The following HEPACAM variants were observed in gnomAD, a reference collection of about 807,000 sequenced individuals.
The protein encoded by HEPACAM is hepatocyte cell adhesion molecule.
A neutral mutation model predicts 38.3 loss-of-function variants in HEPACAM; 18 were observed. The ratio of observed to expected loss-of-function variants is 0.47; its 90% CI spans 0.33 to 0.70. The LOEUF (loss-of-function observed/expected upper bound fraction) is 0.70, where lower values mean the gene tolerates loss of function less well. HEPACAM is among the 30% of genes least tolerant of loss of function. HEPACAM has a pLI of 0.03. For missense variants in HEPACAM, 466 were observed against 563.0 expected (o/e 0.83, Z 1.74); for synonymous variants, 216 against 243.1 (o/e 0.89, Z 1.04).
At chr11:124,927,748 G>A (rs1331565922) in intron 1 of HEPACAM, among the ~76,000 whole-genome samples, 2 of 151,928 alleles carry the variant, frequency 1.3e-5, no homozygotes, top group African/African-American at 4.8e-5. Flanking sequence ...GAAACAGGCC[G>A]GGCATGGTGG....
chr11:124,930,717 T>C (rs1003718355), intron 1 of HEPACAM, among the ~76,000 whole-genome samples: 13 of 152,194 alleles, frequency 8.5e-5, no homozygotes, highest in Admixed American at 1.3e-4. Context: ...GACTTAAATA[T>C]GATTGCTCAA....
chr11:124,920,709 A>AAAATT lies in HEPACAM; in HGVS notation c.*428_*429insAATTT. Reference sequence around the variant, plus strand: ...AAAAAAAAAAAAAAAAAAAAAAAAAAGTGCCCCAGCACTCAGGCATTTGTT... The same window carrying AAAATT: ...AAAAAAAAAAAAAAAAAAAAAAAAAAAAATTGTGCCCCAGCACTCAGGCATTTGTT... On this transcript the variant is annotated 3_prime_UTR_variant, in exon 7 of 7. Transcript: ENST00000298251. 2.0e-6 allele frequency: 2 copies of AAAATT among 1,004,118 alleles called. No individual in the cohort carries two copies. Among genetic ancestry groups the AAAATT allele is most frequent in the African/African-American group, 2.0e-5 (1 of 50,464 alleles). 62.2% of individuals were successfully genotyped at this position (1,004,118 alleles called of 1,614,324 possible).
At position 124,928,159 on chromosome 11, in the gene HEPACAM, C is replaced by T. The variant is rs553102888; in HGVS notation, c.86-3090G>A. Reference sequence around the variant, plus strand: ...GTGGTGGGGATGAGTCCTATCCCCCCTCAATAACCCAAGGAGCAACTGGGA... The same window carrying T: ...GTGGTGGGGATGAGTCCTATCCCCCTTCAATAACCCAAGGAGCAACTGGGA... On this transcript the variant is annotated intron_variant, in intron 1 of 6. Transcript: ENST00000298251. Among the ~76,000 whole-genome samples, 11 of 152,316 alleles carry T rather than the reference C, an allele frequency of 7.2e-5. No individual in the cohort carries two copies. The East Asian group carries it at 1.9e-3, about 27-fold the overall frequency.
At chr11:124,922,333 G>C in intron 6 of HEPACAM, 55 bp downstream of exon 6, 2 of 1,471,836 alleles carry the variant, frequency 1.4e-6, no homozygotes, top group Non-Finnish European at 1.9e-6. Context: ...CTAGCATCAG[G>C]CATGTGGGAG....
At position 124,922,473 on chromosome 11, in the gene HEPACAM, G is replaced by A. The variant is rs778302622; in HGVS notation, c.878-15C>T. 1 of 1,614,012 alleles carries A rather than the reference G, an allele frequency of 6.2e-7. No individual in the cohort carries two copies. Among genetic ancestry groups the A allele is most frequent in the East Asian group, 2.2e-5 (1 of 44,880 alleles). On this transcript the variant is annotated splice_polypyrimidine_tract_variant and intron_variant, in intron 5 of 6. Coordinates refer to ENST00000298251, the MANE Select transcript of HEPACAM (RefSeq NM_152722.5). ...GAGGGTGTCTGCTGCACAGGGGAGA[G>A]AAGCGGGTGGCTGGCCCAGGTACAG...
At chr11:124,928,398 G>A (rs1947244173) in intron 1 of HEPACAM, among the ~76,000 whole-genome samples, 1 of 152,166 alleles carries the variant, frequency 6.6e-6, no homozygotes, top group South Asian at 2.1e-4. Flanking sequence ...TTTATTAAAG[G>A]CCACTGGGGT....
Position 124,924,833 on chromosome 11 carries a change from G to A in HEPACAM, c.322C>T (p.Leu108Phe). ...TCGGCCAGCTGCAGGTCGCTGAGAA[G>A]CAGGGAGCCATTTTCAAAGAGTCGG... ...RIRLFENGSLLLSDLQLADEG... is the reference protein window; with the variant it reads ...RIRLFENGSLFLSDLQLADEG... The change falls in exon 2 of 7, where the codon CTT becomes TTT. Residue 108 changes from leucine (L) to phenylalanine (F), a missense_variant. Physicochemically the swap from Leu to Phe is conservative, Grantham distance 22 (BLOSUM62 0). Transcript: ENST00000298251. This position sits in a 1 kb window ranked among gnomAD's most constrained non-coding sequence, Gnocchi z 4.4. The A allele has an allele frequency of 6.2e-7, 1 of 1,614,162 alleles. No homozygotes were observed. The highest frequency in any genetic ancestry group is 8.5e-7 in the Non-Finnish European group (1 of 1,180,022).
At chr11:124,931,775 T>A (rs950577311) in intron 1 of HEPACAM, among the ~76,000 whole-genome samples, 1 of 152,252 alleles carries the variant, frequency 6.6e-6, no homozygotes, top group Non-Finnish European at 1.5e-5. Flanking sequence ...TATAATAGGA[T>A]GTATAACAGT....
chr11:124,925,210 G>C (rs983380140), intron 1 of HEPACAM, 141 bp from the exon 2 acceptor site: 6 of 642,368 alleles, frequency 9.3e-6, no homozygotes, highest in Non-Finnish European at 1.6e-5. Context: ...TCTTAAGCCT[G>C]GGTGCTATCT....
At chr11:124,935,095 C>T (rs1377910989) in intron 1 of HEPACAM, among the ~76,000 whole-genome samples, 1 of 152,144 alleles carries the variant, frequency 6.6e-6, no homozygotes, top group African/African-American at 2.4e-5. Context: ...ATTCCTTCTA[C>T]CAGAAAACCT....
In HEPACAM at chr11:124,920,078, G is replaced by T; in HGVS notation, c.*1060C>A. ...TGAGCATGTGGGAGCAGGGCAGATGGGTGGCAGGAGGCCAGGGGTTGGATC... is the reference window on the plus strand; with the variant it reads ...TGAGCATGTGGGAGCAGGGCAGATGTGTGGCAGGAGGCCAGGGGTTGGATC... On this transcript the variant is annotated 3_prime_UTR_variant, in exon 7 of 7. Transcript: ENST00000298251. 4 of 1,541,628 alleles carry T rather than the reference G, an allele frequency of 2.6e-6. No homozygotes were observed. In the South Asian group the frequency reaches 4.9e-5, roughly 19 times the overall value.
At position 124,919,961 on chromosome 11, in the gene HEPACAM, C is replaced by T. The variant is rs1947102650; in HGVS notation, c.*1177G>A. ...CTATGAACTGTTCAATAGGCGGTGG[C>T]ATGGGCATGTCCTGGCTACACAGCG... is the stretch of plus-strand genomic sequence containing the variant. On this transcript the variant is annotated 3_prime_UTR_variant, in exon 7 of 7. Coordinates refer to ENST00000298251, the MANE Select transcript of HEPACAM (RefSeq NM_152722.5). 5 of 1,613,692 alleles carry T rather than the reference C, an allele frequency of 3.1e-6. No homozygotes were observed. Among genetic ancestry groups the T allele is most frequent in the Non-Finnish European group, 4.2e-6 (5 of 1,180,030 alleles).
chr11:124,920,167 T>C lies in HEPACAM; in HGVS notation c.*971A>G, dbSNP rs1037383882. ...CTCCCCCCACCATTTCTCTGGAGAT[T>C]AGGACTTATTCTCACAGCTGGAGGA... On this transcript the variant is annotated 3_prime_UTR_variant, in exon 7 of 7. Coordinates refer to ENST00000298251, the MANE Select transcript of HEPACAM (RefSeq NM_152722.5). 2.1e-6 allele frequency: 2 copies of C among 961,974 alleles called. No individual in the cohort carries two copies. The highest frequency in any genetic ancestry group is 3.1e-6 in the Non-Finnish European group (2 of 643,300). 59.6% of individuals were successfully genotyped at this position (961,974 alleles called of 1,614,324 possible). A position where few individuals can be genotyped will look rare whatever the true frequency, so the allele number is the denominator to read the frequency against.
chr11:124,923,540 T>C, intron 3 of HEPACAM, 107 bp from the exon 4 acceptor site: 1 of 1,101,956 alleles, frequency 9.1e-7, no homozygotes. Flanking sequence ...CCAGGCTGCA[T>C]GCCTGGCTGA....
At chr11:124,923,615 C>T in intron 3 of HEPACAM, 114 bp downstream of exon 3, 1 of 1,356,424 alleles carries the variant, frequency 7.4e-7, no homozygotes. Context: ...GGATAGTTGG[C>T]CCATCTCTGT....
In HEPACAM at chr11:124,919,713, T is replaced by C. The variant is rs777178940; in HGVS notation, c.*1425A>G. On this transcript the variant is annotated 3_prime_UTR_variant, in exon 7 of 7. Transcript: ENST00000298251. ...GGGGCAAACTAGAAATGTCAGTGCC[T>C]TTGGGGCTGAGACAAAACTTGACCT... is the stretch of plus-strand genomic sequence containing the variant. The C allele has an allele frequency of 1.4e-5, 22 of 1,606,712 alleles. No individual in the cohort carries two copies. In the South Asian group the frequency reaches 2.1e-4, roughly 15 times the overall value.
chr11:124,924,806 C>G lies in HEPACAM; in HGVS notation c.349G>C (p.Glu117Gln). The G allele has an allele frequency of 6.2e-7, 1 of 1,614,118 alleles. No individual in the cohort carries two copies. Among genetic ancestry groups the G allele is most frequent in the Non-Finnish European group, 8.5e-7 (1 of 1,180,022 alleles). The change falls in exon 2 of 7, where the codon GAG becomes CAG. Residue 117 changes from glutamate to glutamine, a missense_variant. Transcript: ENST00000298251. The surrounding 1 kb of genome is among the most constrained non-coding windows in gnomAD (Gnocchi z 4.4). ...LLLSDLQLAD[E>Q]GTYEVEISIT... is the part of the protein sequence containing the mutation. Reference sequence around the variant, plus strand: ...GAGATCTCGACCTCATAGGTGCCCTCATCGGCCAGCTGCAGGTCGCTGAGA... The same window carrying G: ...GAGATCTCGACCTCATAGGTGCCCTGATCGGCCAGCTGCAGGTCGCTGAGA...
chr11:124,919,824 T>C lies in HEPACAM; in HGVS notation c.*1314A>G, dbSNP rs1203325299. 1 of 1,614,120 alleles carries C rather than the reference T, an allele frequency of 6.2e-7. No homozygotes were observed. The highest frequency in any genetic ancestry group is 1.1e-5 in the South Asian group (1 of 91,076). Reference sequence around the variant, plus strand: ...GAGCTGGAGTTTAGGAGACTAGGGATGCAAGGACCCTTGGAGGCATTAAGG... The same window carrying C: ...GAGCTGGAGTTTAGGAGACTAGGGACGCAAGGACCCTTGGAGGCATTAAGG... On this transcript the variant is annotated 3_prime_UTR_variant, in exon 7 of 7. Coordinates refer to ENST00000298251, the MANE Select transcript of HEPACAM (RefSeq NM_152722.5).
At position 124,919,633 on chromosome 11, in the gene HEPACAM, G is replaced by C; in HGVS notation, c.*1505C>G. 8.5e-7 allele frequency: 1 copy of C among 1,174,836 alleles called. No individual in the cohort carries two copies. Among genetic ancestry groups the C allele is most frequent in the Non-Finnish European group, 1.2e-6 (1 of 836,584 alleles). The allele number at this position is 1,174,836 out of a possible 1,614,324, so 72.8% of individuals were successfully genotyped here. A position where few individuals can be genotyped will look rare whatever the true frequency, so the allele number is the denominator to read the frequency against. The stretch of plus-strand genomic sequence containing the variant: ...GCACACCTGCTCAAATGAGCCTGGG[G>C]AAGTGCCGAGGGACAGGGAGCTGAG... On this transcript the variant is annotated 3_prime_UTR_variant, in exon 7 of 7. Coordinates refer to ENST00000298251, the MANE Select transcript of HEPACAM (RefSeq NM_152722.5).
Sources: allele counts gnomAD v4.1 joint callset (sites outside exome capture counted in the v4.1 genomes callset), GRCh38; gene constraint gnomAD v4.1.1; non-coding constraint Gnocchi (gnomAD v3.1); transcripts MANE v1.5; gene names NCBI Gene and HGNC (gene_info 2026-07-23, HGNC 2026-07-21).